Variants in HMCN1 observed in about 807,000 individuals in gnomAD.
HMCN1 encodes hemicentin-1.
HMCN1 carries 321 observed loss-of-function variants against 625.9 expected under a neutral mutation model. The observed-to-expected ratio is 0.51, with a 90% CI of 0.47 to 0.56. HMCN1 has a LOEUF of 0.56. Ranked by LOEUF, HMCN1 falls within the 20% of genes least tolerant of loss-of-function variation. HMCN1 has a pLI of 0.00. For missense variants in HMCN1, 6,588 were observed against 6,887.3 expected, an observed-to-expected ratio of 0.96 and a Z score of 1.54; for synonymous variants, 2,425 against 2,417.6, an observed-to-expected ratio of 1.00 and a Z score of -0.09.
intron 97 of HMCN1, among the ~76,000 whole-genome samples, chr1:186,161,059 C>G (rs1332040292): frequency 1.3e-5 from 2 of 152,136 alleles, no homozygotes; most frequent in African/African-American, 4.8e-5. Context: ...GAGTCTAAGT[C>G]TCTTTCTAGG....
chr1:185,993,202 G>C lies in HMCN1; in HGVS notation c.3398G>C (p.Gly1133Ala), dbSNP rs968501652. The stretch of plus-strand genomic sequence containing the variant: ...TTTAGACACACATTCCTCCCTTCTG[G>C]TTCAATGAAGATCACTGAAACCCGC... Reference protein sequence around the residue: ...FSPRHTFLPSGSMKITETRTS... With the variant: ...FSPRHTFLPSASMKITETRTS... The change falls in exon 23 of 107, where the codon GGT (glycine) becomes GCT (alanine). Residue 1133 changes from glycine to alanine, a missense_variant. By Grantham distance (60) the Gly-to-Ala change is moderately conservative (BLOSUM62 0). Transcript: ENST00000271588. The C allele has an allele frequency of 3.7e-6, 6 of 1,612,240 alleles. No homozygotes were observed. Among genetic ancestry groups the C allele is most frequent in the Non-Finnish European group, 5.1e-6 (6 of 1,178,668 alleles).
At chr1:185,809,527 TAATA>T (rs1022940659) in intron 1 of HMCN1, among the ~76,000 whole-genome samples, 2 of 151,720 alleles carry the variant, frequency 1.3e-5, no homozygotes, top group Non-Finnish European at 2.9e-5. Context: ...TATATATAAT[TAATA>T]TTTCTGAAAT....
intron 1 of HMCN1, among the ~76,000 whole-genome samples, chr1:185,762,394 C>T (rs1237250379): frequency 2.0e-5 from 3 of 152,120 alleles, no homozygotes; most frequent in Non-Finnish European, 4.4e-5. Context: ...TTGTAACTTG[C>T]ATTAAGGTGC....
chr1:185,887,290 TGAA>T lies in HMCN1; in HGVS notation c.621+21428_621+21430del, dbSNP rs1230309581. On this transcript the variant is annotated intron_variant, in intron 4 of 106. Coordinates refer to ENST00000271588, the MANE Select transcript of HMCN1 (RefSeq NM_031935.3). The stretch of plus-strand genomic sequence containing the variant: ...GTGAAATAATTCAATAGCTCTTAAA[TGAA>T]ATTTATTTATTTATTTATTTTTTAT... Among the ~76,000 whole-genome samples the T allele has an allele frequency of 5.3e-5, 8 of 152,218 alleles. No individual in the cohort carries two copies. In the East Asian group the frequency reaches 9.6e-4, roughly 18 times the overall value.
At chr1:185,978,037 T>C in intron 16 of HMCN1, 56 bp downstream of exon 16, 2 of 1,246,296 alleles carry the variant, frequency 1.6e-6, no homozygotes, top group Non-Finnish European at 2.3e-6. Flanking sequence ...TATATATTTA[T>C]GTTTTATACA....
At chr1:186,161,469 T>G (rs1014198116) in intron 97 of HMCN1, among the ~76,000 whole-genome samples, 19 of 151,926 alleles carry the variant, frequency 1.3e-4, no homozygotes, top group African/African-American at 4.1e-4. Context: ...CATTATGATG[T>G]TAGCTGGTTA....
intron 52 of HMCN1, among the ~76,000 whole-genome samples, chr1:186,071,248 A>G (rs1658465033): frequency 6.6e-6 from 1 of 152,188 alleles, no homozygotes; most frequent in Non-Finnish European, 1.5e-5. Flanking sequence ...TTCTTTAAGT[A>G]TCTTTAACTC....
At chr1:185,795,871 C>A (rs73070548) in intron 1 of HMCN1, among the ~76,000 whole-genome samples, 13,850 of 152,234 alleles carry the variant, frequency 0.091, 2,031 homozygotes, top group African/African-American at 0.31. Context: ...TACTACATAG[C>A]AGATACGTGC....
intron 22 of HMCN1, among the ~76,000 whole-genome samples, chr1:185,991,681 A>G (rs1652434633): frequency 6.6e-6 from 1 of 151,486 alleles, no homozygotes; most frequent in South Asian, 2.1e-4. Flanking sequence ...TCCTTTATTT[A>G]TGGACATTCT....
chr1:185,951,460 T>C (rs1235200021), intron 11 of HMCN1, among the ~76,000 whole-genome samples: 2 of 150,152 alleles, frequency 1.3e-5, no homozygotes, highest in South Asian at 2.1e-4. Flanking sequence ...TCTGTATTGA[T>C]TAAGAAGGGG....
At position 186,136,802 on chromosome 1, in the gene HMCN1, G is replaced by A; in HGVS notation, c.13447G>A (p.Asp4483Asn). The A allele has an allele frequency of 3.1e-6, 5 of 1,614,010 alleles. No individual in the cohort carries two copies. The highest frequency in any genetic ancestry group is 4.2e-6 in the Non-Finnish European group (5 of 1,179,966). Residue 4483 changes from aspartate to asparagine, a missense_variant, in exon 87 of 107, where the codon GAT becomes AAT. Asp to Asn is a conservative substitution (Grantham distance 23). Around this residue, in one of 3 missense-constraint regions of HMCN1, gnomAD observed 1,954 missense variants for 2,013.1 expected, o/e 0.97. Transcript: ENST00000271588. Reference protein sequence around the residue: ...WSRQGHSISWDDRVNVLSNNS... With the variant: ...WSRQGHSISWNDRVNVLSNNS... ...CCGTCAAGGGCACTCTATTTCCTGG[G>A]ATGACCGGGTTAACGTGTTGTCCAA...
intron 4 of HMCN1, among the ~76,000 whole-genome samples, chr1:185,889,497 T>A (rs1342105054): frequency 2.8e-5 from 4 of 141,786 alleles, no homozygotes; most frequent in African/African-American, 1.2e-4. Flanking sequence ...AATACCTAAT[T>A]TATTGAGAGT....
At chr1:186,113,320 A>G (rs1262509854) in intron 72 of HMCN1, among the ~76,000 whole-genome samples, 1 of 152,212 alleles carries the variant, frequency 6.6e-6, no homozygotes, top group Non-Finnish European at 1.5e-5. Flanking sequence ...ATATGTGCCA[A>G]ACAGAGACTG....
chr1:186,107,282 C>A (rs1400763116), intron 70 of HMCN1, among the ~76,000 whole-genome samples: 1 of 152,052 alleles, frequency 6.6e-6, no homozygotes, highest in Non-Finnish European at 1.5e-5. Flanking sequence ...AGACAGGGTG[C>A]AAATCTGATT....
intron 93 of HMCN1, among the ~76,000 whole-genome samples, chr1:186,147,343 T>C (rs1329561736): frequency 6.6e-6 from 1 of 152,026 alleles, no homozygotes; most frequent in Non-Finnish European, 1.5e-5. Flanking sequence ...TTTAGATTGT[T>C]TTTCTCCCCA....
intron 97 of HMCN1, among the ~76,000 whole-genome samples, chr1:186,164,490 G>A (rs528881072): frequency 7.2e-5 from 11 of 152,084 alleles, no homozygotes; most frequent in Admixed American, 2.6e-4. Context: ...TGATCCGCCC[G>A]CCTCGGCCTC....
At position 186,119,191 on chromosome 1, in the gene HMCN1, G is replaced by A. The variant is rs1450462831; in HGVS notation, c.11849G>A (p.Gly3950Glu). 4.3e-6 allele frequency: 7 copies of A among 1,609,326 alleles called. No homozygotes were observed. The East Asian group carries it at 1.3e-4, about 31-fold the overall frequency. ...TTAAAACATTTTTTTTCATTTTTAG[G>A]AGCAATTGAAATACTTGCCACCCAA... The part of the protein sequence containing the change: ...RGDGYRILSS[G>E]AIEILATQLN... The change falls in exon 78 of 107, where the codon GGA becomes GAA. Residue 3950 changes from glycine (G) to glutamate (E), a missense_variant and splice_region_variant. Gly to Glu is a moderately conservative substitution (Grantham distance 98). This residue lies in a region of HMCN1 where 4,628 missense variants were observed against 4,853.1 expected (regional missense o/e 0.95). Coordinates refer to ENST00000271588, the MANE Select transcript of HMCN1 (RefSeq NM_031935.3).
At chr1:186,067,355 C>T (rs1405946933) in intron 49 of HMCN1, among the ~76,000 whole-genome samples, 3 of 152,154 alleles carry the variant, frequency 2.0e-5, no homozygotes, top group Admixed American at 2.0e-4. Context: ...TCCCGATATA[C>T]CCTGCTTGCC....
intron 97 of HMCN1, among the ~76,000 whole-genome samples, chr1:186,164,128 A>G (rs933198465): frequency 2.6e-5 from 4 of 152,084 alleles, no homozygotes; most frequent in African/African-American, 9.7e-5. Flanking sequence ...TGTCCCATCT[A>G]TCCTAGTACC....
Sources: gnomAD v4.1 joint callset for allele counts (sites outside exome capture counted in the v4.1 genomes callset) on GRCh38, gnomAD v4.1.1 for gene constraint, gnomAD v4.1.1 regional missense constraint, MANE v1.5 for transcripts, NCBI Gene and HGNC (gene_info 2026-07-23, HGNC 2026-07-21) for gene names.